OSBPL9: variants seen among roughly 807,000 people sequenced by gnomAD.
OSBPL9 encodes oxysterol-binding protein-related protein 9.
In OSBPL9, 40 loss-of-function variants were observed where a neutral mutation model predicts 106.6. The observed-to-expected ratio is 0.38, with a 90% CI of 0.29 to 0.49. OSBPL9 has a LOEUF of 0.49. Among genes scored for constraint, OSBPL9 ranks in the 20% least tolerant of loss-of-function variants. OSBPL9 has a pLI of 0.97. For missense variants in OSBPL9, 609 were observed against 887.2 expected, an observed-to-expected ratio of 0.69 and a Z score of 3.98; for synonymous variants, 269 against 295.4, an observed-to-expected ratio of 0.91 and a Z score of 0.92.
intron 3 of OSBPL9, among the ~76,000 whole-genome samples, chr1:51,699,984 G>A (rs948331281): frequency 6.6e-6 from 1 of 152,132 alleles, no homozygotes; most frequent in Non-Finnish European, 1.5e-5. Flanking sequence ...AAATAATTCT[G>A]TTTTTTCCCT....
upstream of OSBPL9, among the ~76,000 whole-genome samples, chr1:51,572,360 C>T (rs1362431415): frequency 1.3e-5 from 2 of 152,086 alleles, no homozygotes; most frequent in Non-Finnish European, 2.9e-5. Flanking sequence ...GTCTAATGAG[C>T]ATGGCAGGCA....
chr1:51,656,733 C>G (rs767855957), intron 2 of OSBPL9, among the ~76,000 whole-genome samples: 2 of 151,484 alleles, frequency 1.3e-5, no homozygotes, highest in Non-Finnish European at 2.9e-5. Context: ...GATTATAGCT[C>G]ACTACATCCC....
At chr1:51,674,003 C>CTCCTTCCT (rs1218191183) in intron 3 of OSBPL9, among the ~76,000 whole-genome samples, 1 of 149,686 alleles carries the variant, frequency 6.7e-6, no homozygotes, top group African/African-American at 2.5e-5. Flanking sequence ...ATGTTGTCAA[C>CTCCTTCCT]TCCTTCCTTC....
chr1:51,773,418 GAGT>G lies in OSBPL9; in HGVS notation c.1170+698_1170+700del, dbSNP rs375376501. 3.5e-3 allele frequency among the ~76,000 whole-genome samples: 540 copies of G among 152,272 alleles called. 4 individuals are homozygous for G. Among genetic ancestry groups the G allele is most frequent in the African/African-American group, 0.012 (494 of 41,556 alleles). On this transcript the variant is annotated intron_variant, in intron 14 of 23. Coordinates refer to ENST00000428468, the MANE Select transcript of OSBPL9 (RefSeq NM_024586.6). Reference sequence around the variant, plus strand: ...ACTTAATTCTCACCACAGTACCACAGAGTAGGTGTTATTAACTTCATTTCATCA... The same window carrying G: ...ACTTAATTCTCACCACAGTACCACAGAGGTGTTATTAACTTCATTTCATCA...
chr1:51,680,623 T>C (rs1652332614), intron 3 of OSBPL9, among the ~76,000 whole-genome samples: 1 of 151,842 alleles, frequency 6.6e-6, no homozygotes, highest in South Asian at 2.1e-4. Flanking sequence ...ATTGCACTGC[T>C]GCACTCCAGC....
rs979747241 is a variant in OSBPL9 at position 51,729,622 on chromosome 1, A to C, written c.318+15543A>C. The stretch of plus-strand genomic sequence containing the variant: ...TCCGGACGCCCTCCCGCCGCTGCGC[A>C]CCCCTCCCGCGAGCTGCCAGCTCCC... On this transcript the variant is annotated intron_variant, in intron 4 of 23. Transcript: ENST00000428468. The surrounding 1 kb of genome is among the most constrained non-coding windows in gnomAD (Gnocchi z 5.1). 9.0e-6 allele frequency: 2 copies of C among 222,600 alleles called. No homozygotes were observed. The highest frequency in any genetic ancestry group is 8.5e-6 in the Non-Finnish European group (1 of 117,738). The allele number at this position is 222,600 out of a possible 1,614,324, so 13.8% of individuals were successfully genotyped here.
chr1:51,660,130 A>G (rs1186811162), intron 2 of OSBPL9, among the ~76,000 whole-genome samples: 1 of 152,184 alleles, frequency 6.6e-6, no homozygotes, highest in Non-Finnish European at 1.5e-5. Flanking sequence ...GGGTGTCCAT[A>G]TGAAAAAAAG....
At chr1:51,677,159 A>G (rs1651442775) in intron 3 of OSBPL9, among the ~76,000 whole-genome samples, 1 of 152,224 alleles carries the variant, frequency 6.6e-6, no homozygotes, top group Non-Finnish European at 1.5e-5. Flanking sequence ...TTAGAAATGC[A>G]GATTCTTGCG....
At chr1:51,640,447 G>A (rs996154903) in intron 1 of OSBPL9, among the ~76,000 whole-genome samples, 2 of 152,178 alleles carry the variant, frequency 1.3e-5, no homozygotes, top group Non-Finnish European at 2.9e-5. Context: ...ATATAATCAA[G>A]TAGTTACTTT....
chr1:51,762,438 T>C (rs1430045931), intron 11 of OSBPL9, among the ~76,000 whole-genome samples: 2 of 152,130 alleles, frequency 1.3e-5, no homozygotes, highest in Non-Finnish European at 2.9e-5. Context: ...GCTGGGATTA[T>C]ACAAGCATGA....
At chr1:51,777,033 TTCTGTGGTATTGAATAA>T (rs1557859534) in intron 15 of OSBPL9, 115 bp downstream of exon 15, 1 of 824,568 alleles carries the variant, frequency 1.2e-6, no homozygotes, top group African/African-American at 1.7e-5. Context: ...TTTCTGGGTA[TTCTGTGGTATTGAATAA>T]TGTGTTTACA....
At chr1:51,730,242 C>A (rs1664082862) in intron 4 of OSBPL9, 2 of 1,026,236 alleles carry the variant, frequency 1.9e-6, no homozygotes, top group African/African-American at 1.7e-5. Context: ...GGCATTCGCC[C>A]CCAAATGAGA....
chr1:51,640,126 T>C (rs1256502258), intron 1 of OSBPL9, among the ~76,000 whole-genome samples: 1 of 152,174 alleles, frequency 6.6e-6, no homozygotes, highest in East Asian at 1.9e-4. Flanking sequence ...CCACCATACT[T>C]GGCCATTCTT....
chr1:51,674,697 C>CT (rs1650749251), intron 3 of OSBPL9, among the ~76,000 whole-genome samples: 1 of 152,166 alleles, frequency 6.6e-6, no homozygotes, highest in South Asian at 2.1e-4. Context: ...GATGGTGGTT[C>CT]TATAAGATTA....
chr1:51,712,084 C>A (rs1156379905), intron 3 of OSBPL9, among the ~76,000 whole-genome samples: 2 of 151,908 alleles, frequency 1.3e-5, no homozygotes, highest in Admixed American at 1.3e-4. Context: ...TAGGTTGTAG[C>A]GAGCCGAGAT....
chr1:51,655,421 ATGTGCAT>A (rs1312609314), intron 2 of OSBPL9, among the ~76,000 whole-genome samples: 2 of 152,148 alleles, frequency 1.3e-5, no homozygotes, highest in African/African-American at 4.8e-5. Flanking sequence ...CATGTCAGCG[ATGTGCAT>A]TGAATCCTTC....
intron 4 of OSBPL9, among the ~76,000 whole-genome samples, chr1:51,739,802 G>A (rs2148978134): frequency 6.6e-6 from 1 of 152,096 alleles, no homozygotes; most frequent in Admixed American, 6.6e-5. Context: ...CAAATTTTCA[G>A]TAATCCAAGG....
At chr1:51,784,878 T>C in intron 20 of OSBPL9, 1 of 371,726 alleles carries the variant, frequency 2.7e-6, no homozygotes, top group Non-Finnish European at 4.9e-6. Flanking sequence ...GGATCCCTAA[T>C]TTATTCTTGC....
At chr1:51,770,616 C>G (rs1417421484) in intron 12 of OSBPL9, among the ~76,000 whole-genome samples, 2 of 152,122 alleles carry the variant, frequency 1.3e-5, no homozygotes, top group Non-Finnish European at 2.9e-5. Flanking sequence ...TTTCTCTTAC[C>G]TGTATCTTTT....
Sources: gnomAD v4.1 joint callset for allele counts (sites outside exome capture counted in the v4.1 genomes callset) on GRCh38, gnomAD v4.1.1 for gene constraint, Gnocchi (gnomAD v3.1) non-coding constraint, MANE v1.5 for transcripts, NCBI Gene and HGNC (gene_info 2026-07-23, HGNC 2026-07-21) for gene names.